EZH2: variants seen among roughly 807,000 people sequenced by gnomAD.
EZH2 encodes enhancer of zeste 2 polycomb repressive complex 2 subunit, also known as histone-lysine N-methyltransferase EZH2.
EZH2 carries 18 observed loss-of-function variants against 98.4 expected under a neutral mutation model. The ratio of observed to expected loss-of-function variants is 0.18; its 90% CI spans 0.13 to 0.27. The LOEUF (loss-of-function observed/expected upper bound fraction) is 0.27, where lower values mean the gene tolerates loss of function less well. EZH2 is among the 10% of genes least tolerant of loss of function. The probability of loss-of-function intolerance (pLI) is 1.00; values close to 1 mark genes in which losing one functional copy is unlikely to be tolerated. For missense variants in EZH2, 470 were observed against 935.1 expected, an observed-to-expected ratio of 0.50 and a Z score of 6.49; for synonymous variants, 338 against 312.3, an observed-to-expected ratio of 1.08 and a Z score of -0.87.
At chr7:148,844,592 A>G (rs191690288) in intron 3 of EZH2, among the ~76,000 whole-genome samples, 1,847 of 152,224 alleles carry the variant, frequency 0.012, 36 homozygotes, top group African/African-American at 0.042. Context: ...TTTATTCTCA[A>G]TCTGCGTGTG....
At chr7:148,848,256 G>T (rs961119209) in intron 1 of EZH2, among the ~76,000 whole-genome samples, 5 of 152,178 alleles carry the variant, frequency 3.3e-5, no homozygotes, top group African/African-American at 1.2e-4. Context: ...GTGAGGGAGT[G>T]AAAGAATAAC....
chr7:148,881,758 AC>A (rs1264617481), intron 1 of EZH2, among the ~76,000 whole-genome samples: 2 of 151,916 alleles, frequency 1.3e-5, no homozygotes, highest in Non-Finnish European at 2.9e-5. Context: ...ACATGGTGAA[AC>A]CCTGTCTCTG....
intron 1 of EZH2, among the ~76,000 whole-genome samples, chr7:148,863,167 TA>T (rs1340290256): frequency 6.6e-6 from 1 of 151,906 alleles, no homozygotes; most frequent in East Asian, 1.9e-4. Context: ...CTGCTCCCCT[TA>T]AATATATCCA....
At position 148,814,141 on chromosome 7, in the gene EZH2, CAG is replaced by C; in HGVS notation, c.1673-6_1673-5del. On this transcript the variant is annotated splice_polypyrimidine_tract_variant and splice_region_variant and intron_variant, in intron 14 of 19. Coordinates refer to ENST00000320356, the MANE Select transcript of EZH2 (RefSeq NM_004456.5). The stretch of plus-strand genomic sequence containing the variant: ...CATCCCGGAAAGCGGTTTTGACCTT[CAG>C]AGAGAGGTTTGGAGGTTCTTCACTC... 1.9e-6 allele frequency: 3 copies of C among 1,612,690 alleles called. No homozygotes were observed. Among genetic ancestry groups the C allele is most frequent in the Admixed American group, 1.7e-5 (1 of 59,884 alleles).
At chr7:148,845,027 T>C (rs1813628206) in intron 3 of EZH2, among the ~76,000 whole-genome samples, 2 of 152,180 alleles carry the variant, frequency 1.3e-5, no homozygotes, top group African/African-American at 2.4e-5. Flanking sequence ...ACAAAGTACC[T>C]AGCACAGTGA....
chr7:148,817,167 A>C, intron 11 of EZH2, 55 bp downstream of exon 11: 1 of 1,500,924 alleles, frequency 6.7e-7, no homozygotes, highest in Non-Finnish European at 9.0e-7. Flanking sequence ...CAACGAGTAC[A>C]GTTTTATCTC....
At chr7:148,835,593 G>GAT (rs1810692919) in intron 3 of EZH2, among the ~76,000 whole-genome samples, 1 of 151,604 alleles carries the variant, frequency 6.6e-6, no homozygotes, top group African/African-American at 2.4e-5. Context: ...TACTGATACT[G>GAT]ATAGTATCAA....
At chr7:148,874,250 T>C (rs959900083) in intron 1 of EZH2, among the ~76,000 whole-genome samples, 2 of 152,218 alleles carry the variant, frequency 1.3e-5, no homozygotes, top group African/African-American at 4.8e-5. Context: ...TAGCTGGGCA[T>C]GGTGGCATGT....
intron 15 of EZH2, 91 bp downstream of exon 15, chr7:148,813,868 T>C (rs1313721651): frequency 1.5e-6 from 2 of 1,343,786 alleles, no homozygotes; most frequent in East Asian, 2.3e-5. Flanking sequence ...TTTTACTTTT[T>C]GCCCCAGCTA....
At chr7:148,880,425 G>C (rs558131187) in intron 1 of EZH2, among the ~76,000 whole-genome samples, 1 of 152,016 alleles carries the variant, frequency 6.6e-6, no homozygotes, top group African/African-American at 2.4e-5. Flanking sequence ...ACCCTCTCTC[G>C]CCCTTTCCCT....
intron 1 of EZH2, among the ~76,000 whole-genome samples, chr7:148,858,327 C>G (rs1305174907): frequency 1.3e-5 from 2 of 151,622 alleles, no homozygotes. Flanking sequence ...AGAGCTTGTA[C>G]TATTATTATT....
intron 1 of EZH2, among the ~76,000 whole-genome samples, chr7:148,872,052 T>TTTC (rs1270110748): frequency 1.3e-5 from 2 of 152,202 alleles, no homozygotes; most frequent in Admixed American, 6.5e-5. Context: ...TAACCATGAA[T>TTTC]AGTGAATCAC....
intron 1 of EZH2, chr7:148,850,510 G>C (rs887586972): frequency 1.2e-6 from 1 of 831,810 alleles, no homozygotes; most frequent in Non-Finnish European, 1.4e-6. Context: ...GAAAGTGTAA[G>C]ACTAAATAGG....
chr7:148,816,611 A>G, intron 12 of EZH2, 73 bp downstream of exon 12: 1 of 1,087,528 alleles, frequency 9.2e-7, no homozygotes, highest in Non-Finnish European at 1.4e-6. Context: ...AACCAACAAC[A>G]GCCCTTAGGA....
At chr7:148,882,146 A>T (rs941549521) in intron 1 of EZH2, among the ~76,000 whole-genome samples, 1 of 152,126 alleles carries the variant, frequency 6.6e-6, no homozygotes, top group Admixed American at 6.6e-5. Flanking sequence ...ATGTCTCAAC[A>T]CTTAGACCAG....
At chr7:148,847,063 C>T (rs904836750) in intron 2 of EZH2, 119 bp downstream of exon 2, 4 of 1,157,886 alleles carry the variant, frequency 3.5e-6, no homozygotes, top group Non-Finnish European at 3.6e-6. Context: ...AGTATTCACT[C>T]ATCTTATTGT....
At chr7:148,828,911 G>T in intron 5 of EZH2, 31 bp from the exon 6 acceptor site, 1 of 1,571,322 alleles carries the variant, frequency 6.4e-7, no homozygotes, top group Non-Finnish European at 8.6e-7. Context: ...GAAACACACA[G>T]GAGAAGCAAT....
At chr7:148,837,977 C>T (rs370802729) in intron 3 of EZH2, among the ~76,000 whole-genome samples, 18 of 151,630 alleles carry the variant, frequency 1.2e-4, no homozygotes, top group African/African-American at 4.1e-4. Flanking sequence ...CTGTAATTAA[C>T]GGTTTCTACA....
chr7:148,811,863 T>C (rs961322392), intron 15 of EZH2, 143 bp from the exon 16 acceptor site: 64 of 646,028 alleles, frequency 9.9e-5, no homozygotes, highest in Non-Finnish European at 1.7e-4. Flanking sequence ...GGCACACAGC[T>C]TCAGTCAACG....
Sources: gnomAD v4.1 joint callset for allele counts (sites outside exome capture counted in the v4.1 genomes callset) on GRCh38, gnomAD v4.1.1 for gene constraint, MANE v1.5 for transcripts, NCBI Gene and HGNC (gene_info 2026-07-23, HGNC 2026-07-21) for gene names.